CHRM3: variants seen among roughly 807,000 people sequenced by gnomAD.
CHRM3 encodes the protein muscarinic acetylcholine receptor M3.
CHRM3 carries 11 observed loss-of-function variants against 41.8 expected under a neutral mutation model. The ratio of observed to expected loss-of-function variants is 0.26; its 90% confidence interval spans 0.17 to 0.44. CHRM3 has a LOEUF of 0.44. Ranked by LOEUF, CHRM3 falls within the 20% of genes least tolerant of loss-of-function variation. The pLI is 1.00. For synonymous variants in CHRM3, 297 were observed against 301.4 expected, an observed-to-expected ratio of 0.99 and a Z score of 0.15; for missense variants, 571 against 745.4, an observed-to-expected ratio of 0.77 and a Z score of 2.72.
At chr1:239,564,145 T>C (rs1287132307) in intron 3 of CHRM3, among the ~76,000 whole-genome samples, 1 of 152,216 alleles carries the variant, frequency 6.6e-6, no homozygotes, top group Non-Finnish European at 1.5e-5. Context: ...TCTGTTTATG[T>C]CATTCATAAA....
At chr1:239,716,709 A>G (rs1014487217) in intron 5 of CHRM3, among the ~76,000 whole-genome samples, 2 of 152,038 alleles carry the variant, frequency 1.3e-5, no homozygotes, top group East Asian at 3.9e-4. Context: ...GAAGAGGAAG[A>G]GGAGAAGGGA....
intron 6 of CHRM3, among the ~76,000 whole-genome samples, chr1:239,848,021 G>T (rs1275904235): frequency 3.4e-5 from 5 of 147,650 alleles, no homozygotes; most frequent in African/African-American, 1.3e-4. Flanking sequence ...ATCCATTGAA[G>T]TATGTGAGAC....
intron 5 of CHRM3, among the ~76,000 whole-genome samples, chr1:239,820,123 G>A (rs981885931): frequency 2.0e-5 from 3 of 152,136 alleles, no homozygotes; most frequent in Admixed American, 6.5e-5. Flanking sequence ...CAGAAGGTTC[G>A]CTGAAAAATC....
chr1:239,775,701 A>G (rs576857777), intron 5 of CHRM3, among the ~76,000 whole-genome samples: 7 of 152,334 alleles, frequency 4.6e-5, no homozygotes, highest in Admixed American at 3.9e-4. Flanking sequence ...GCATCATGTT[A>G]TGAGACACAC....
At chr1:239,695,079 C>T (rs769238039) in intron 5 of CHRM3, among the ~76,000 whole-genome samples, 4 of 152,174 alleles carry the variant, frequency 2.6e-5, no homozygotes, top group Non-Finnish European at 5.9e-5. Context: ...GGCGCCATCT[C>T]AGCTCGCTGC....
intron 6 of CHRM3, among the ~76,000 whole-genome samples, chr1:239,894,792 C>T (rs1415779834): frequency 6.6e-6 from 1 of 151,976 alleles, no homozygotes; most frequent in Non-Finnish European, 1.5e-5. Context: ...GCTTTACCTC[C>T]TGTTTCATTG....
intron 5 of CHRM3, among the ~76,000 whole-genome samples, chr1:239,740,436 C>A (rs181558581): frequency 6.6e-6 from 1 of 150,908 alleles, no homozygotes; most frequent in Non-Finnish European, 1.5e-5. Context: ...CACTGACTAC[C>A]AAGAAAGTTG....
chr1:239,543,167 A>G (rs1658943927), intron 2 of CHRM3, among the ~76,000 whole-genome samples: 1 of 152,178 alleles, frequency 6.6e-6, no homozygotes, highest in Admixed American at 6.5e-5. Context: ...TATTCCCTTG[A>G]AGAGAATGCC....
In CHRM3 at chr1:239,386,883, C is replaced by T. The variant is rs1238037983; in HGVS notation, c.-865C>T. ...GGCACTGCCGAGCCGGGAGCGCTGC[C>T]GCTTGGGCAGGTGCCGCGGCCGCTG... is the stretch of plus-strand genomic sequence containing the variant. On this transcript the variant is annotated 5_prime_UTR_variant, in exon 1 of 7. Transcript: ENST00000676153. 6.6e-6 allele frequency: 1 copy of T among 151,934 alleles called. No homozygotes were observed. The highest frequency in any genetic ancestry group is 2.4e-5 in the African/African-American group (1 of 41,392). 9.4% of individuals were successfully genotyped at this position (151,934 alleles called of 1,614,324 possible). A position where few individuals can be genotyped will look rare whatever the true frequency, so the allele number is the denominator to read the frequency against.
intron 2 of CHRM3, among the ~76,000 whole-genome samples, chr1:239,504,594 A>C (rs1349956813): frequency 1.3e-5 from 2 of 152,202 alleles, no homozygotes; most frequent in South Asian, 4.1e-4. Context: ...AAGTCATAAT[A>C]TGAAAGAGAT....
At chr1:239,788,310 T>C (rs1669071319) in intron 5 of CHRM3, among the ~76,000 whole-genome samples, 1 of 152,144 alleles carries the variant, frequency 6.6e-6, no homozygotes, top group African/African-American at 2.4e-5. Flanking sequence ...AGAGCAAATA[T>C]TTTAATATTG....
At chr1:239,426,757 A>T (rs539300486) in intron 1 of CHRM3, among the ~76,000 whole-genome samples, 17 of 152,332 alleles carry the variant, frequency 1.1e-4, no homozygotes, top group African/African-American at 3.8e-4. Context: ...GTGAGAGACA[A>T]CAACAGAAAT....
At chr1:239,637,670 C>A (rs1163995545) in intron 4 of CHRM3, among the ~76,000 whole-genome samples, 1 of 149,986 alleles carries the variant, frequency 6.7e-6, no homozygotes, top group Non-Finnish European at 1.5e-5. Context: ...CAAATCCCAT[C>A]ATAGCAGCAC....
chr1:239,589,439 G>T (rs1377431002), intron 3 of CHRM3, among the ~76,000 whole-genome samples: 7 of 150,636 alleles, frequency 4.6e-5, no homozygotes, highest in African/African-American at 1.7e-4. Context: ...ACATATTAGT[G>T]CATGGAAATT....
intron 6 of CHRM3, among the ~76,000 whole-genome samples, chr1:239,867,269 C>T (rs902823109): frequency 2.0e-5 from 3 of 152,202 alleles, no homozygotes; most frequent in African/African-American, 7.2e-5. Flanking sequence ...GACGGCGAAG[C>T]TTGTACATAC....
chr1:239,799,257 A>T (rs960639138), intron 5 of CHRM3, among the ~76,000 whole-genome samples: 1 of 152,166 alleles, frequency 6.6e-6, no homozygotes, highest in Non-Finnish European at 1.5e-5. Flanking sequence ...TTAAGTGATG[A>T]GGAGTGGAGT....
chr1:239,458,969 G>A lies in CHRM3; in HGVS notation c.-520-33740G>A, dbSNP rs562881158. ...TTACTTACTCTCATTATAATGAAAT[G>A]GCACATTGTATTGAACAAAGCTGTA... On this transcript the variant is annotated intron_variant, in intron 1 of 6. Coordinates refer to ENST00000676153, the MANE Select transcript of CHRM3 (RefSeq NM_001375978.1). Among the ~76,000 whole-genome samples the A allele has an allele frequency of 8.5e-4, 129 of 152,210 alleles. 1 individual carries two copies. The highest frequency in any genetic ancestry group is 3.1e-3 in the African/African-American group (127 of 41,534).
At chr1:239,473,067 C>G (rs1164694998) in intron 1 of CHRM3, among the ~76,000 whole-genome samples, 2 of 151,792 alleles carry the variant, frequency 1.3e-5, no homozygotes, top group Admixed American at 6.6e-5. Flanking sequence ...AAAAAACTGG[C>G]TATGTATAAA....
In CHRM3 at chr1:239,783,662, G is replaced by A. The variant is rs1668672367; in HGVS notation, c.-146-43590G>A. On this transcript the variant is annotated intron_variant, in intron 5 of 6. Transcript: ENST00000676153. ...AAAACAGACTCAAATTTAGATACAT[G>A]TGAATGACATTTAAGAATTGCAAGA... 3.9e-5 allele frequency among the ~76,000 whole-genome samples: 6 copies of A among 152,290 alleles called. No individual in the cohort carries two copies. The South Asian group carries it at 6.2e-4, about 16-fold the overall frequency.
Sources: allele counts gnomAD v4.1 joint callset (sites outside exome capture counted in the v4.1 genomes callset), GRCh38; gene constraint gnomAD v4.1.1; transcripts MANE v1.5; gene names NCBI Gene and HGNC (gene_info 2026-07-23, HGNC 2026-07-21).